RELN: variants seen among roughly 807,000 people sequenced by gnomAD.
RELN encodes reelin.
Under a neutral mutation model 427.6 loss-of-function variants are expected in RELN, and 108 were observed. The ratio of observed to expected loss-of-function variants is 0.25; its 90% CI spans 0.22 to 0.30. The LOEUF is 0.30. Among genes scored for constraint, RELN ranks in the 10% least tolerant of loss-of-function variants. RELN has a pLI of 1.00. For synonymous variants in RELN, 1,524 were observed against 1,513.4 expected (o/e 1.01, Z -0.16); for missense variants, 3,715 against 4,302.8 (o/e 0.86, Z 3.82).
intron 28 of RELN, among the ~76,000 whole-genome samples, chr7:103,580,154 G>A (rs1831097521): frequency 6.6e-6 from 1 of 152,208 alleles, no homozygotes; most frequent in South Asian, 2.1e-4. Flanking sequence ...TTATAAGCAT[G>A]TTTGCCTCAT....
chr7:103,837,035 G>GT (rs1793427496), intron 2 of RELN, among the ~76,000 whole-genome samples: 1 of 151,342 alleles, frequency 6.6e-6, no homozygotes, highest in Non-Finnish European at 1.5e-5. Context: ...ATTCTCCTAT[G>GT]TTTTCTTTCT....
chr7:103,507,793 G>A (rs1192179314), intron 51 of RELN, among the ~76,000 whole-genome samples: 1 of 151,726 alleles, frequency 6.6e-6, no homozygotes, highest in African/African-American at 2.4e-5. Flanking sequence ...CTAGTGAGAC[G>A]AATAAGGAAG....
intron 34 of RELN, among the ~76,000 whole-genome samples, chr7:103,564,341 T>C (rs759402242): frequency 2.0e-5 from 3 of 152,104 alleles, no homozygotes; most frequent in Non-Finnish European, 4.4e-5. Flanking sequence ...GTGCAAGGAA[T>C]TGGATGTATA....
intron 19 of RELN, among the ~76,000 whole-genome samples, chr7:103,630,914 G>A (rs541610316): frequency 2.1e-5 from 3 of 143,534 alleles, no homozygotes; most frequent in African/African-American, 7.8e-5. Context: ...TCCTAAGCCA[G>A]GTGACTAGTT....
intron 2 of RELN, among the ~76,000 whole-genome samples, chr7:103,838,396 T>C (rs899863737): frequency 3.9e-5 from 6 of 152,062 alleles, no homozygotes; most frequent in African/African-American, 1.4e-4. Context: ...TGGTCTAAAA[T>C]ATAGAAAAAC....
intron 22 of RELN, among the ~76,000 whole-genome samples, chr7:103,610,191 T>C (rs1831917943): frequency 6.6e-6 from 1 of 152,184 alleles, no homozygotes; most frequent in Admixed American, 6.5e-5. Context: ...CTATCAAATG[T>C]TTAACTTTCT....
intron 27 of RELN, among the ~76,000 whole-genome samples, chr7:103,591,737 G>A (rs1299512059): frequency 6.6e-6 from 1 of 152,120 alleles, no homozygotes; most frequent in African/African-American, 2.4e-5. Flanking sequence ...CAGACAAGTG[G>A]TTGGAACTTG....
rs1038276910 is a variant in RELN at position 103,924,981 on chromosome 7, C to T, written c.227-7796G>A. 1.9e-4 allele frequency among the ~76,000 whole-genome samples: 11 copies of T among 57,000 alleles called. No homozygotes were observed. The East Asian group carries it at 2.9e-3, about 15-fold the overall frequency. The allele number at this position is 57,000 out of a possible 152,430, so 37.4% of individuals were successfully genotyped here. A position where few individuals can be genotyped will look rare whatever the true frequency, so the allele number is the denominator to read the frequency against. ...TCTCTCTCTGACACACGTGTGCATG[C>T]GCATACACATACACACACACACACA... On this transcript the variant is annotated intron_variant, in intron 1 of 64. Coordinates refer to ENST00000428762, the MANE Select transcript of RELN (RefSeq NM_005045.4).
At chr7:103,808,121 A>G (rs564644947) in intron 3 of RELN, among the ~76,000 whole-genome samples, 29 of 152,266 alleles carry the variant, frequency 1.9e-4, no homozygotes, top group African/African-American at 6.5e-4. Context: ...GGCCTAAGAG[A>G]AAAATCTGAA....
intron 2 of RELN, among the ~76,000 whole-genome samples, chr7:103,904,931 C>T (rs980789764): frequency 1.4e-5 from 2 of 147,788 alleles, no homozygotes; most frequent in African/African-American, 5.0e-5. Flanking sequence ...CACCAACATG[C>T]TGTAAGATAC....
Position 103,486,386 on chromosome 7 carries a change from A to G in RELN, c.9794T>C (p.Leu3265Pro), listed in dbSNP as rs781641525. The G allele has an allele frequency of 6.2e-6, 10 of 1,614,194 alleles. No individual in the cohort carries two copies. Among genetic ancestry groups the G allele is most frequent in the South Asian group, 2.2e-5 (2 of 91,068 alleles). The change falls in exon 61 of 65, where the codon CTT (leucine) becomes CCT (proline). Residue 3265 changes from leucine to proline, a missense_variant. Physicochemically the swap from Leu to Pro is moderately conservative, Grantham distance 98 (BLOSUM62 -3). Around this residue, in one of 4 missense-constraint regions of RELN, gnomAD observed 195 missense variants for 281.3 expected, o/e 0.69. Transcript: ENST00000428762. The part of the protein sequence containing the change: ...GDDCSVFSHD[L>P]PSYIKDNFES... ...AAAATTATCTTTAATATAACTGGGA[A>G]GGTCGTGACTGAAAACAGAGCAGTC...
At chr7:103,650,428 A>G (rs772025433) in intron 15 of RELN, 45 bp from the exon 16 acceptor site, 2 of 1,123,158 alleles carry the variant, frequency 1.8e-6, no homozygotes, top group Non-Finnish European at 1.4e-6. Context: ...CTATGTTCAT[A>G]TCTTTAGAAT....
intron 2 of RELN, among the ~76,000 whole-genome samples, chr7:103,878,696 G>T (rs1395692467): frequency 6.6e-6 from 1 of 152,148 alleles, no homozygotes; most frequent in African/African-American, 2.4e-5. Flanking sequence ...ACCCAGGATG[G>T]GGGGCAGGAT....
chr7:103,731,490 AT>A (rs149690722), intron 6 of RELN, among the ~76,000 whole-genome samples: 5,713 of 151,462 alleles, frequency 0.038, 193 homozygotes, highest in African/African-American at 0.082. Context: ...CTCTCCTTCT[AT>A]TTTTTTTTAT....
intron 2 of RELN, among the ~76,000 whole-genome samples, chr7:103,836,646 C>T (rs760092326): frequency 3.9e-5 from 6 of 152,138 alleles, no homozygotes; most frequent in Non-Finnish European, 5.9e-5. Flanking sequence ...GCAAGCTGTA[C>T]CCTCTACCTA....
intron 64 of RELN, 76 bp from the exon 65 acceptor site, chr7:103,472,984 T>C: frequency 8.6e-7 from 1 of 1,166,852 alleles, no homozygotes. Context: ...GAACGTGCAA[T>C]CTATTCTAGG....
rs1212976267 is a variant in RELN, at chr7:103,482,922, T to C, written c.10231A>G (p.Asn3411Asp). ...VLLRWWQPRH[N>D]GTGHDQWALD... ...GCCCATTGATCATGACCTGTTCCATTGTGGCGTGGTTGCCACCAGCGCAGT... is the reference window on the plus strand; with the variant it reads ...GCCCATTGATCATGACCTGTTCCATCGTGGCGTGGTTGCCACCAGCGCAGT... Residue 3411 changes from asparagine (N) to aspartate (D), a missense_variant, in exon 63 of 65, where the codon AAT becomes GAT. Transcript: ENST00000428762. The C allele has an allele frequency of 1.9e-6, 3 of 1,614,080 alleles. No individual in the cohort carries two copies. Among genetic ancestry groups the C allele is most frequent in the Admixed American group, 3.3e-5 (2 of 60,006 alleles).
chr7:103,868,143 A>C (rs1794244170), intron 2 of RELN, among the ~76,000 whole-genome samples: 1 of 152,092 alleles, frequency 6.6e-6, no homozygotes, highest in Non-Finnish European at 1.5e-5. Flanking sequence ...TTTCACAATG[A>C]GGTGCCACCT....
At chr7:103,737,527 C>T (rs979102829) in intron 6 of RELN, among the ~76,000 whole-genome samples, 26 of 152,156 alleles carry the variant, frequency 1.7e-4, no homozygotes, top group Non-Finnish European at 2.6e-4. Flanking sequence ...GCTTGTTTGA[C>T]TTCTTTTCGT....
Sources: gnomAD v4.1 joint callset for allele counts (sites outside exome capture counted in the v4.1 genomes callset) on GRCh38, gnomAD v4.1.1 for gene constraint, gnomAD v4.1.1 regional missense constraint, MANE v1.5 for transcripts, NCBI Gene and HGNC (gene_info 2026-07-23, HGNC 2026-07-21) for gene names.